The following SNX7 variants were observed in gnomAD, a reference collection of about 807,000 sequenced individuals.
SNX7 encodes the protein sorting nexin-7.
Under a neutral mutation model 48.4 loss-of-function variants are expected in SNX7, and 35 were observed. That is an observed-to-expected ratio of 0.72 (90% CI 0.55 to 0.96). The LOEUF is 0.96. SNX7 is among the 40% of genes least tolerant of loss of function. The pLI is 0.00. For missense variants in SNX7, 553 were observed against 548.9 expected (o/e 1.01, Z -0.07); for synonymous variants, 190 against 190.2 (o/e 1.00, Z 0.01).
rs140565894 is a variant in SNX7 at position 98,752,778 on chromosome 1, C to G, written c.1279-7276C>G. 2.1e-3 allele frequency among the ~76,000 whole-genome samples: 319 copies of G among 152,078 alleles called. 2 individuals are homozygous for G. The highest frequency in any genetic ancestry group is 7.4e-3 in the African/African-American group (306 of 41,522). On this transcript the variant is annotated intron_variant, in intron 8 of 8. Transcript: ENST00000306121. ...ATAGATCTGTTCCTAGAAATATATGCAGAATTTCCAAGATATATAAAGGGA... is the reference window on the plus strand; with the variant it reads ...ATAGATCTGTTCCTAGAAATATATGGAGAATTTCCAAGATATATAAAGGGA...
intron 7 of SNX7, among the ~76,000 whole-genome samples, chr1:98,729,028 C>T (rs1243022305): frequency 2.6e-5 from 4 of 152,042 alleles, no homozygotes; most frequent in African/African-American, 4.8e-5. Flanking sequence ...ACTCTAAAAT[C>T]GATCACATAA....
chr1:98,716,421 T>C (rs942732612), intron 7 of SNX7, among the ~76,000 whole-genome samples: 2 of 152,170 alleles, frequency 1.3e-5, no homozygotes, highest in African/African-American at 2.4e-5. Flanking sequence ...TGGACATTAG[T>C]CTTGTTCTAC....
chr1:98,674,145 T>G (rs567285977), intron 1 of SNX7, among the ~76,000 whole-genome samples: 2 of 152,350 alleles, frequency 1.3e-5, no homozygotes, highest in South Asian at 2.1e-4. Flanking sequence ...TGGAGCAAAG[T>G]TGAAATATTT....
chr1:98,688,118 A>G (rs1186229082), intron 2 of SNX7, among the ~76,000 whole-genome samples: 3 of 152,200 alleles, frequency 2.0e-5, no homozygotes, highest in East Asian at 3.9e-4. Flanking sequence ...GGGATACACC[A>G]TCTAATTTGG....
At chr1:98,713,105 A>AAAAAAC (rs886498255) in intron 7 of SNX7, among the ~76,000 whole-genome samples, 2 of 151,966 alleles carry the variant, frequency 1.3e-5, no homozygotes, top group South Asian at 2.1e-4. Context: ...AAAAAAAAAA[A>AAAAAAC]AAAAAAACTT....
chr1:98,725,007 G>A (rs1653091067), intron 7 of SNX7, among the ~76,000 whole-genome samples: 1 of 151,992 alleles, frequency 6.6e-6, no homozygotes, highest in Admixed American at 6.5e-5. Flanking sequence ...TTTTAATATG[G>A]TGTACGGTTC....
At chr1:98,748,466 T>C (rs768961036) in intron 8 of SNX7, among the ~76,000 whole-genome samples, 3 of 152,084 alleles carry the variant, frequency 2.0e-5, no homozygotes, top group Admixed American at 1.3e-4. Context: ...AGTTTTTATG[T>C]AGTTAATCAG....
intron 8 of SNX7, among the ~76,000 whole-genome samples, chr1:98,750,138 G>A (rs1482137): frequency 0.15 from 23,416 of 151,564 alleles, 1,896 homozygotes; most frequent in South Asian, 0.19. Flanking sequence ...ATTATTATTA[G>A]GTAAATGTCT....
At chr1:98,675,389 G>A (rs1233882211) in intron 1 of SNX7, among the ~76,000 whole-genome samples, 1 of 152,022 alleles carries the variant, frequency 6.6e-6, no homozygotes, top group African/African-American at 2.4e-5. Context: ...TCCTTCTACT[G>A]AAATCTTGGA....
chr1:98,691,968 A>G (rs542098513), intron 4 of SNX7, among the ~76,000 whole-genome samples: 3 of 82,092 alleles, frequency 3.7e-5, no homozygotes, highest in South Asian at 8.7e-4. Context: ...CTCTCTCTCT[A>G]ATGTTTTTAT....
chr1:98,701,424 G>C (rs1056465441), intron 6 of SNX7, among the ~76,000 whole-genome samples: 6 of 151,776 alleles, frequency 4.0e-5, no homozygotes, highest in Non-Finnish European at 8.8e-5. Context: ...TGGTCCATGT[G>C]ACATCCCACC....
chr1:98,719,687 C>T (rs1052827113), intron 7 of SNX7, among the ~76,000 whole-genome samples: 1 of 151,416 alleles, frequency 6.6e-6, no homozygotes, highest in Admixed American at 6.6e-5. Context: ...TCAGGTTTAT[C>T]TATCTTTTTC....
At chr1:98,747,104 AATT>A (rs1347119107) in intron 8 of SNX7, among the ~76,000 whole-genome samples, 1 of 152,148 alleles carries the variant, frequency 6.6e-6, no homozygotes, top group African/African-American at 2.4e-5. Context: ...TAAAAAAAGT[AATT>A]ATTAAGTAGT....
At chr1:98,746,877 G>T (rs141651013) in intron 8 of SNX7, among the ~76,000 whole-genome samples, 13 of 152,034 alleles carry the variant, frequency 8.6e-5, no homozygotes, top group African/African-American at 3.1e-4. Context: ...GTTTCTTTCT[G>T]CAGGAATCTT....
In SNX7 at chr1:98,750,267, C is replaced by A. The variant is rs1224552509; in HGVS notation, c.1279-9787C>A. 3.9e-5 allele frequency among the ~76,000 whole-genome samples: 6 copies of A among 151,958 alleles called. No individual in the cohort carries two copies. In the South Asian group the frequency reaches 1.2e-3, roughly 32 times the overall value. ...TTCTGTCAACAGTGTGGTGTCATTA[C>A]CTATGGCGATATCAACTTGTTATGT... is the stretch of plus-strand genomic sequence containing the variant. On this transcript the variant is annotated intron_variant, in intron 8 of 8. Transcript: ENST00000306121.
At chr1:98,701,686 G>A in intron 6 of SNX7, 131 bp from the exon 7 acceptor site, 1 of 514,236 alleles carries the variant, frequency 1.9e-6, no homozygotes, top group South Asian at 4.5e-5. Context: ...CTTTTTAAAT[G>A]TATTATATCC....
chr1:98,756,619 C>T (rs1654870128), intron 8 of SNX7, among the ~76,000 whole-genome samples: 1 of 151,662 alleles, frequency 6.6e-6, no homozygotes, highest in Non-Finnish European at 1.5e-5. Context: ...TTCTCACATG[C>T]ATGTGCCAGT....
At chr1:98,751,540 C>T (rs1654580894) in intron 8 of SNX7, among the ~76,000 whole-genome samples, 1 of 152,016 alleles carries the variant, frequency 6.6e-6, no homozygotes, top group Non-Finnish European at 1.5e-5. Context: ...AGAAATTGCA[C>T]TTGACTTTGG....
chr1:98,742,644 G>A (rs1654127659), intron 8 of SNX7, among the ~76,000 whole-genome samples: 1 of 151,784 alleles, frequency 6.6e-6, no homozygotes, highest in Admixed American at 6.6e-5. Flanking sequence ...ATTAATACAG[G>A]CTCACTGAAA....
Sources: gnomAD v4.1 joint callset for allele counts (sites outside exome capture counted in the v4.1 genomes callset) on GRCh38, gnomAD v4.1.1 for gene constraint, MANE v1.5 for transcripts, NCBI Gene and HGNC (gene_info 2026-07-23, HGNC 2026-07-21) for gene names.